Variants in ZNF654 observed in about 807,000 individuals in gnomAD.
ZNF654 encodes the protein zinc finger protein 654, also known as melanoma-associated antigen.
A neutral mutation model predicts 95.3 loss-of-function variants in ZNF654; 19 were observed. The observed-to-expected ratio is 0.20, with a 90% CI of 0.14 to 0.29. The LOEUF is 0.29. Ranked by LOEUF, ZNF654 falls within the 10% of genes least tolerant of loss-of-function variation. The pLI, the probability that ZNF654 is intolerant of heterozygous loss-of-function variation, is 1.00. For missense variants in ZNF654, 1,046 were observed against 1,341.0 expected (o/e 0.78, Z 3.44); for synonymous variants, 413 against 457.9 (o/e 0.90, Z 1.25).
chr3:88,111,722 A>C (rs1291655812), intron 2 of ZNF654, among the ~76,000 whole-genome samples: 1 of 151,986 alleles, frequency 6.6e-6, no homozygotes, highest in Non-Finnish European at 1.5e-5. Context: ...TAGAACTGCT[A>C]GGTCAAATGG....
At chr3:88,061,529 A>C (rs1243600604) in intron 1 of ZNF654, among the ~76,000 whole-genome samples, 1 of 152,154 alleles carries the variant, frequency 6.6e-6, no homozygotes, top group Non-Finnish European at 1.5e-5. Flanking sequence ...ATAATACTCT[A>C]GGTTACTGAG....
intron 1 of ZNF654, among the ~76,000 whole-genome samples, chr3:88,077,499 A>C (rs1472266066): frequency 1.8e-5 from 1 of 54,584 alleles, no homozygotes; most frequent in Non-Finnish European, 5.5e-5. Flanking sequence ...CGCCCGGCTA[A>C]TTTTTTGTGA....
chr3:88,097,025 G>A (rs1704104474), intron 2 of ZNF654, among the ~76,000 whole-genome samples: 1 of 152,092 alleles, frequency 6.6e-6, no homozygotes, highest in East Asian at 1.9e-4. Context: ...TGGCTGTAGA[G>A]TATTTCACTC....
chr3:88,125,469 C>G lies in ZNF654; in HGVS notation c.415-665C>G, dbSNP rs151098025. The stretch of plus-strand genomic sequence containing the variant: ...CCTAGAAAATGTATGGACAAATTCA[C>G]AACTATTGCCCAACTTAACAATACA... On this transcript the variant is annotated intron_variant, in intron 3 of 8. Coordinates refer to ENST00000636215, the MANE Select transcript of ZNF654 (RefSeq NM_001350134.2). 2.0e-5 allele frequency among the ~76,000 whole-genome samples: 3 copies of G among 151,448 alleles called. No homozygotes were observed. In the East Asian group the frequency reaches 5.9e-4, roughly 30 times the overall value.
intron 1 of ZNF654, among the ~76,000 whole-genome samples, chr3:88,084,919 G>GTCTA (rs1460300021): frequency 5.3e-5 from 8 of 152,128 alleles, no homozygotes; most frequent in African/African-American, 1.4e-4. Context: ...TTTTATAATG[G>GTCTA]TCTACAAGCA....
At chr3:88,116,235 T>C (rs986717123) in intron 3 of ZNF654, among the ~76,000 whole-genome samples, 5 of 151,882 alleles carry the variant, frequency 3.3e-5, no homozygotes, top group Admixed American at 6.6e-5. Context: ...AAATAAGATA[T>C]ATGGGCCAGG....
At chr3:88,125,431 C>CT (rs1706040563) in intron 3 of ZNF654, among the ~76,000 whole-genome samples, 1 of 152,030 alleles carries the variant, frequency 6.6e-6, no homozygotes, top group South Asian at 2.1e-4. Context: ...TTTCAAATAT[C>CT]TTTTTTTAAA....
intron 1 of ZNF654, among the ~76,000 whole-genome samples, chr3:88,069,431 G>A (rs1707383690): frequency 6.6e-6 from 1 of 152,060 alleles, no homozygotes; most frequent in Non-Finnish European, 1.5e-5. Context: ...CAAAAAAAAA[G>A]AAAGTGATTC....
At chr3:88,072,077 TC>T (rs1442455424) in intron 1 of ZNF654, among the ~76,000 whole-genome samples, 1 of 152,172 alleles carries the variant, frequency 6.6e-6, no homozygotes, top group African/African-American at 2.4e-5. Flanking sequence ...TAGAGGGTAT[TC>T]CTTTAAGAAA....
rs200108034 is a variant in ZNF654 at position 88,105,773 on chromosome 3, A to T, written c.333-7342A>T. 8.5e-5 allele frequency among the ~76,000 whole-genome samples: 13 copies of T among 152,254 alleles called. No homozygotes were observed. In the East Asian group the frequency reaches 2.1e-3, roughly 25 times the overall value. On this transcript the variant is annotated intron_variant, in intron 2 of 8. Coordinates refer to ENST00000636215, the MANE Select transcript of ZNF654 (RefSeq NM_001350134.2). ...TTTGTATTTTTCTTCTTGTGACTGA[A>T]GTTTGAATATCTTTTTTTCATATCC...
rs763077512 is a variant in ZNF654 at position 88,140,767 on chromosome 3, C to T, written c.3098C>T (p.Thr1033Ile). 39 of 1,613,596 alleles carry T rather than the reference C, an allele frequency of 2.4e-5. No individual in the cohort carries two copies. In the Admixed American group the frequency reaches 6.3e-4, roughly 26 times the overall value. The change falls in exon 8 of 9, where the codon ACA (threonine) becomes ATA (isoleucine). Residue 1033 changes from threonine to isoleucine, a missense_variant. Physicochemically the swap from Thr to Ile is moderately conservative, Grantham distance 89. Transcript: ENST00000636215. ...VSQAPSKPNL[T>I]SEHTSYGLIL... ...CAGGCACCTTCCAAACCAAATCTGA[C>T]AAGTGAACATACTTCATATGGCTTA...
chr3:88,084,542 C>T (rs769094139), intron 1 of ZNF654, among the ~76,000 whole-genome samples: 3 of 152,246 alleles, frequency 2.0e-5, no homozygotes, highest in Middle Eastern at 3.4e-3. Flanking sequence ...AAGAGCCAGA[C>T]GAGATACAAG....
intron 6 of ZNF654, among the ~76,000 whole-genome samples, chr3:88,130,569 G>T (rs1414011363): frequency 1.3e-5 from 2 of 151,152 alleles, no homozygotes; most frequent in Non-Finnish European, 2.9e-5. Context: ...TCCCGCCTCA[G>T]CCTCCTCAGT....
Position 88,140,876 on chromosome 3 carries a change from T to C in ZNF654, c.3207T>C (p.Phe1069=), listed in dbSNP as rs368148211. Residue 1069 remains phenylalanine, a synonymous_variant, in exon 8 of 9, where the codon TTT becomes TTC. Coordinates refer to ENST00000636215, the MANE Select transcript of ZNF654 (RefSeq NM_001350134.2). ...TTAGTATGCCAAAACGCAGAAAATT[T>C]CTGACTGATAGAGTAGATGCCTGTT... ...RYLSMPKRRK[F]LTDRVDACSD... 6 of 1,613,518 alleles carry C rather than the reference T, an allele frequency of 3.7e-6. No homozygotes were observed. The African/African-American group carries it at 8.0e-5, about 22-fold the overall frequency.
In ZNF654 at chr3:88,126,074, A is replaced by T. The variant is rs1205341255; in HGVS notation, c.415-60A>T. 6 of 1,372,238 alleles carry T rather than the reference A, an allele frequency of 4.4e-6. No homozygotes were observed. In the East Asian group the frequency reaches 1.5e-4, roughly 35 times the overall value. 85.0% of individuals were successfully genotyped at this position (1,372,238 alleles called of 1,614,324 possible). A position where few individuals can be genotyped will look rare whatever the true frequency, so the allele number is the denominator to read the frequency against. ...ATCAGTCATTTTATTGACAATGATGATCAAGTTTAGTTTTTAACCCCTTTA... is the reference window on the plus strand; with the variant it reads ...ATCAGTCATTTTATTGACAATGATGTTCAAGTTTAGTTTTTAACCCCTTTA... On this transcript the variant is annotated intron_variant, in intron 3 of 8. Coordinates refer to ENST00000636215, the MANE Select transcript of ZNF654 (RefSeq NM_001350134.2).
intron 1 of ZNF654, among the ~76,000 whole-genome samples, chr3:88,069,211 C>T (rs1179888359): frequency 4.6e-5 from 7 of 152,138 alleles, no homozygotes; most frequent in Non-Finnish European, 8.8e-5. Context: ...TACCTGAGTC[C>T]AGGAGCTCAA....
intron 8 of ZNF654, 87 bp from the exon 9 acceptor site, chr3:88,141,558 C>A: frequency 3.1e-6 from 3 of 961,868 alleles, no homozygotes; most frequent in Non-Finnish European, 3.0e-6. Flanking sequence ...TTTAAAATGA[C>A]AGGGTATAAA....
chr3:88,105,449 GT>G (rs1300533104), intron 2 of ZNF654, among the ~76,000 whole-genome samples: 2 of 152,136 alleles, frequency 1.3e-5, no homozygotes, highest in Non-Finnish European at 2.9e-5. Context: ...CATTTGGGTT[GT>G]TTCCATTCTT....
intron 2 of ZNF654, among the ~76,000 whole-genome samples, chr3:88,109,054 A>T (rs1168127694): frequency 6.6e-6 from 1 of 151,778 alleles, no homozygotes; most frequent in Non-Finnish European, 1.5e-5. Context: ...AAATTGATGA[A>T]AATTGGGTTA....
Sources: allele counts gnomAD v4.1 joint callset (sites outside exome capture counted in the v4.1 genomes callset), GRCh38; gene constraint gnomAD v4.1.1; transcripts MANE v1.5; gene names NCBI Gene and HGNC (gene_info 2026-07-23, HGNC 2026-07-21).